PIK3R5: variants seen among roughly 807,000 people sequenced by gnomAD.
The protein encoded by PIK3R5 is phosphoinositide-3-kinase regulatory subunit 5.
Under a neutral mutation model 94.9 loss-of-function variants are expected in PIK3R5, and 32 were observed. That is an observed-to-expected ratio of 0.34 (90% CI 0.25 to 0.45). PIK3R5 has a LOEUF of 0.45. Among genes scored for constraint, PIK3R5 ranks in the 20% least tolerant of loss-of-function variants. PIK3R5 has a pLI of 1.00. For synonymous variants in PIK3R5, 443 were observed against 479.4 expected (o/e 0.92, Z 0.99); for missense variants, 853 against 1,144.6 (o/e 0.75, Z 3.68).
intron 1 of PIK3R5, among the ~76,000 whole-genome samples, chr17:8,947,446 G>A (rs1567669872): frequency 6.6e-6 from 1 of 152,196 alleles, no homozygotes; most frequent in Admixed American, 6.5e-5. Flanking sequence ...ATAGTCAGAC[G>A]CGAGTCATAG....
intron 1 of PIK3R5, among the ~76,000 whole-genome samples, chr17:8,949,161 A>G (rs2091330505): frequency 6.6e-6 from 1 of 152,176 alleles, no homozygotes; most frequent in Non-Finnish European, 1.5e-5. Flanking sequence ...GCACGCTGGG[A>G]GATGATGCTG....
At chr17:8,885,027 C>T in intron 14 of PIK3R5, 1 of 513,624 alleles carries the variant, frequency 1.9e-6, no homozygotes. Context: ...TCCCAGGGTC[C>T]TGCCTCTCCA....
Position 8,888,362 on chromosome 17 carries a change from G to T in PIK3R5, c.1425C>A (p.Arg475=). ...GTTTGGGCTGGGGCAGGGAGCGGGAGCGCTGGGCCCGGGAAGGGGGTGATA... is the reference window on the plus strand; with the variant it reads ...GTTTGGGCTGGGGCAGGGAGCGGGATCGCTGGGCCCGGGAAGGGGGTGATA... ...EPVSPPSRAQ[R]SRSLPQPKLG... is the part of the protein sequence containing the mutation. The change falls in exon 10 of 19, where the codon CGC becomes CGA. Residue 475 remains arginine (R), a synonymous_variant. Coordinates refer to ENST00000447110, the MANE Select transcript of PIK3R5 (RefSeq NM_001142633.3). The surrounding 1 kb of genome is among the most constrained non-coding windows in gnomAD (Gnocchi z 7.8). The T allele has an allele frequency of 2.5e-6, 4 of 1,610,726 alleles. No homozygotes were observed. Among genetic ancestry groups the T allele is most frequent in the Non-Finnish European group, 2.5e-6 (3 of 1,179,264 alleles).
intron 1 of PIK3R5, among the ~76,000 whole-genome samples, chr17:8,919,870 CTTTT>C (rs1204375092): frequency 2.7e-5 from 4 of 147,632 alleles, no homozygotes; most frequent in African/African-American, 1.0e-4. Flanking sequence ...CTTTCTTTCT[CTTTT>C]TTTCTTTTTC....
chr17:8,943,081 T>C (rs1567667498), intron 1 of PIK3R5, among the ~76,000 whole-genome samples: 1 of 151,668 alleles, frequency 6.6e-6, no homozygotes, highest in Non-Finnish European at 1.5e-5. Flanking sequence ...TTTTTCTTTT[T>C]TTTTTCGTCA....
chr17:8,945,760 A>C lies in PIK3R5; in HGVS notation c.-14+19836T>G, dbSNP rs2091260859. 6.6e-6 allele frequency among the ~76,000 whole-genome samples: 1 copy of C among 152,240 alleles called. No individual in the cohort carries two copies. Among genetic ancestry groups the C allele is most frequent in the Non-Finnish European group, 1.5e-5 (1 of 68,040 alleles). Reference sequence around the variant, plus strand: ...AGGTGGAATCTATTCCCATCCCCTTAAACTTGGGTGGGCTTGTGACTGCCA... The same window carrying C: ...AGGTGGAATCTATTCCCATCCCCTTCAACTTGGGTGGGCTTGTGACTGCCA... On this transcript the variant is annotated intron_variant, in intron 1 of 18. Coordinates refer to ENST00000447110, the MANE Select transcript of PIK3R5 (RefSeq NM_001142633.3). The surrounding 1 kb of genome is among the most constrained non-coding windows in gnomAD (Gnocchi z 4.0).
chr17:8,897,254 G>C (rs2090172296), intron 5 of PIK3R5, among the ~76,000 whole-genome samples: 1 of 152,218 alleles, frequency 6.6e-6, no homozygotes, highest in Non-Finnish European at 1.5e-5. Context: ...GCCACCGGGA[G>C]TCCAGGAGCA....
intron 1 of PIK3R5, among the ~76,000 whole-genome samples, chr17:8,947,445 C>T (rs1029094840): frequency 1.3e-5 from 2 of 152,224 alleles, no homozygotes; most frequent in East Asian, 1.9e-4. Flanking sequence ...CATAGTCAGA[C>T]GCGAGTCATA....
intron 5 of PIK3R5, among the ~76,000 whole-genome samples, chr17:8,895,212 C>A (rs1339437583): frequency 6.6e-6 from 1 of 152,190 alleles, no homozygotes; most frequent in Admixed American, 6.5e-5. Flanking sequence ...ATAGCGGAGA[C>A]AAACAGATAT....
intron 3 of PIK3R5, among the ~76,000 whole-genome samples, chr17:8,908,144 G>T (rs2090435170): frequency 6.6e-6 from 1 of 152,124 alleles, no homozygotes; most frequent in Admixed American, 6.6e-5. Context: ...AGGTTTCTCG[G>T]TCCATTTTGG....
chr17:8,895,338 T>C (rs1396973707), intron 5 of PIK3R5, among the ~76,000 whole-genome samples: 1 of 152,140 alleles, frequency 6.6e-6, no homozygotes, highest in African/African-American at 2.4e-5. Flanking sequence ...GCTGACCCCA[T>C]TTCTTCACCG....
chr17:8,905,056 G>A (rs2090364640), intron 4 of PIK3R5, 141 bp from the exon 5 acceptor site: 1 of 906,774 alleles, frequency 1.1e-6, no homozygotes, highest in Non-Finnish European at 1.7e-6. Context: ...GACAAGGTCA[G>A]GTGGAACTGG....
At chr17:8,951,402 C>A (rs2091372955) in intron 1 of PIK3R5, among the ~76,000 whole-genome samples, 1 of 152,160 alleles carries the variant, frequency 6.6e-6, no homozygotes, top group Non-Finnish European at 1.5e-5. Flanking sequence ...AACACTAACT[C>A]CCCGCCACTT....
chr17:8,883,351 G>A lies in PIK3R5; in HGVS notation c.2205+1356C>T, dbSNP rs61761123. Among the ~76,000 whole-genome samples, 1,309 of 152,296 alleles carry A rather than the reference G, an allele frequency of 8.6e-3. 26 individuals carry two copies. Among genetic ancestry groups the A allele is most frequent in the African/African-American group, 0.03 (1,244 of 41,564 alleles). ...CCATTGCACTCTAGCCTGAGAAACA[G>A]GGCGAGACTATGTCTCAAAAAAACA... On this transcript the variant is annotated intron_variant, in intron 15 of 18. Transcript: ENST00000447110.
chr17:8,900,057 G>A (rs976005169), intron 5 of PIK3R5, among the ~76,000 whole-genome samples: 4 of 151,984 alleles, frequency 2.6e-5, no homozygotes, highest in African/African-American at 7.2e-5. Context: ...AAAATCGTGC[G>A]AAAGTATTTT....
intron 1 of PIK3R5, among the ~76,000 whole-genome samples, chr17:8,965,192 A>T (rs1489000844): frequency 1.3e-5 from 2 of 152,206 alleles, no homozygotes; most frequent in Non-Finnish European, 2.9e-5. Flanking sequence ...CATGACTCCC[A>T]GGTTCTGACG....
rs118090209 is a variant in PIK3R5, at chr17:8,894,140, C to T, written c.413-485G>A. Among the ~76,000 whole-genome samples the T allele has an allele frequency of 7.2e-4, 110 of 152,336 alleles. 5 individuals are homozygous for T. In the East Asian group the frequency reaches 0.02, roughly 28 times the overall value. ...CTCCTGGGAAGGGCCAGATTAGATC[C>T]GTGGCCTCTGAGGCCTTTAACAGTC... is the stretch of plus-strand genomic sequence containing the variant. On this transcript the variant is annotated intron_variant, in intron 5 of 18. Coordinates refer to ENST00000447110, the MANE Select transcript of PIK3R5 (RefSeq NM_001142633.3).
chr17:8,942,823 G>C (rs1246107336), intron 1 of PIK3R5, among the ~76,000 whole-genome samples: 2 of 152,020 alleles, frequency 1.3e-5, no homozygotes, highest in Non-Finnish European at 2.9e-5. Context: ...AGCCAGGATG[G>C]TCTCGATCTC....
intron 1 of PIK3R5, among the ~76,000 whole-genome samples, chr17:8,939,593 C>T (rs1028215811): frequency 6.6e-6 from 1 of 152,162 alleles, no homozygotes; most frequent in Non-Finnish European, 1.5e-5. Context: ...CAAAGTGACA[C>T]GAAAACATCT....
Sources: gnomAD v4.1 joint callset for allele counts (sites outside exome capture counted in the v4.1 genomes callset) on GRCh38, gnomAD v4.1.1 for gene constraint, Gnocchi (gnomAD v3.1) non-coding constraint, MANE v1.5 for transcripts, NCBI Gene and HGNC (gene_info 2026-07-23, HGNC 2026-07-21) for gene names.